OPCML: variants seen among roughly 807,000 people sequenced by gnomAD.
OPCML encodes opioid-binding protein/cell adhesion molecule.
OPCML carries 13 observed loss-of-function variants against 37.8 expected under a neutral mutation model. That is an observed-to-expected ratio of 0.34 (90% CI 0.22 to 0.55). The LOEUF is 0.55. OPCML is among the 20% of genes least tolerant of loss of function. The pLI, the probability that OPCML is intolerant of heterozygous loss-of-function variation, is 0.91. For missense variants in OPCML, 341 were observed against 435.6 expected (o/e 0.78, Z 1.93); for synonymous variants, 176 against 168.8 (o/e 1.04, Z -0.33).
intron 3 of OPCML, among the ~76,000 whole-genome samples, chr11:132,550,164 T>C (rs959297647): frequency 6.6e-6 from 1 of 152,132 alleles, no homozygotes; most frequent in African/African-American, 2.4e-5. Context: ...TACACACAAA[T>C]GGCTCCTAGG....
chr11:132,704,992 G>A (rs1943971839), intron 2 of OPCML, among the ~76,000 whole-genome samples: 3 of 152,228 alleles, frequency 2.0e-5, no homozygotes, highest in Non-Finnish European at 4.4e-5. Flanking sequence ...CTGGCTCAGT[G>A]CTGAGTTCCA....
intron 3 of OPCML, among the ~76,000 whole-genome samples, chr11:132,623,503 G>A (rs1939553687): frequency 6.6e-6 from 1 of 152,190 alleles, no homozygotes. Flanking sequence ...TCCCTGGAAA[G>A]TACTTCCATT....
chr11:133,197,537 T>G (rs1209951287), intron 1 of OPCML, among the ~76,000 whole-genome samples: 1 of 152,054 alleles, frequency 6.6e-6, no homozygotes, highest in Non-Finnish European at 1.5e-5. Context: ...GTGACTAAGG[T>G]CTGGAAATGC....
intron 2 of OPCML, among the ~76,000 whole-genome samples, chr11:132,674,387 G>T (rs1942612798): frequency 1.3e-5 from 2 of 152,156 alleles, no homozygotes; most frequent in African/African-American, 4.8e-5. Context: ...TGGCAGGAGA[G>T]GAAACCTGGC....
intron 1 of OPCML, among the ~76,000 whole-genome samples, chr11:133,271,956 C>T (rs772425320): frequency 1.3e-5 from 2 of 152,104 alleles, no homozygotes; most frequent in South Asian, 4.1e-4. Flanking sequence ...CAGATGCAAA[C>T]TAATTAAAAT....
intron 1 of OPCML, among the ~76,000 whole-genome samples, chr11:133,116,581 A>T (rs1348952843): frequency 1.3e-5 from 2 of 152,072 alleles, no homozygotes; most frequent in African/African-American, 4.8e-5. Context: ...TCACTATTAG[A>T]TGCAGGTTAT....
At chr11:133,269,604 A>C (rs1285628117) in intron 1 of OPCML, among the ~76,000 whole-genome samples, 2 of 152,192 alleles carry the variant, frequency 1.3e-5, no homozygotes, top group Non-Finnish European at 2.9e-5. Context: ...GAACACTGTG[A>C]ATTTCACTTA....
intron 1 of OPCML, among the ~76,000 whole-genome samples, chr11:133,098,149 G>T (rs1949031387): frequency 6.6e-6 from 1 of 151,140 alleles, no homozygotes; most frequent in East Asian, 1.9e-4. Context: ...GTCCAACAAT[G>T]TACAGAAAGA....
At chr11:133,359,882 A>G (rs1476808562) in intron 1 of OPCML, 1 of 152,238 alleles carries the variant, frequency 6.6e-6, no homozygotes, top group Non-Finnish European at 1.5e-5. Flanking sequence ...GGATTTATCC[A>G]TTAAAAGGCT....
intron 3 of OPCML, among the ~76,000 whole-genome samples, chr11:132,594,928 G>C (rs73041758): frequency 6.6e-6 from 1 of 152,128 alleles, no homozygotes; most frequent in African/African-American, 2.4e-5. Flanking sequence ...TCCCAACCCC[G>C]AGTTCAAGGC....
At chr11:133,219,562 C>T (rs1235620452) in intron 1 of OPCML, among the ~76,000 whole-genome samples, 3 of 152,178 alleles carry the variant, frequency 2.0e-5, no homozygotes, top group Non-Finnish European at 4.4e-5. Context: ...GAAACATAAT[C>T]CATCCCCTGG....
At chr11:133,252,812 A>G (rs1941179120) in intron 1 of OPCML, among the ~76,000 whole-genome samples, 1 of 152,156 alleles carries the variant, frequency 6.6e-6, no homozygotes, top group African/African-American at 2.4e-5. Context: ...AAGCACAACT[A>G]AAGAAACCCA....
chr11:132,529,920 G>A (rs1045684804), intron 3 of OPCML, among the ~76,000 whole-genome samples: 2 of 152,086 alleles, frequency 1.3e-5, no homozygotes, highest in African/African-American at 4.8e-5. Flanking sequence ...TTAGGAGCAG[G>A]GCTCTGGATT....
At chr11:133,210,044 CT>C (rs933273058) in intron 1 of OPCML, among the ~76,000 whole-genome samples, 129 of 152,172 alleles carry the variant, frequency 8.5e-4, no homozygotes, top group African/African-American at 3.1e-3. Flanking sequence ...ACGCACACAC[CT>C]CTCCGTACGT....
intron 1 of OPCML, among the ~76,000 whole-genome samples, chr11:133,501,182 A>G (rs1489087646): frequency 1.3e-5 from 2 of 152,142 alleles, no homozygotes; most frequent in African/African-American, 4.8e-5. Context: ...GGAGACACAC[A>G]AGCGCCAGAT....
intron 4 of OPCML, 60 bp from the exon 5 acceptor site, chr11:132,437,419 A>G (rs2096016994): frequency 2.5e-6 from 4 of 1,590,860 alleles, no homozygotes; most frequent in Non-Finnish European, 3.4e-6. Flanking sequence ...GGACAGAACC[A>G]TATTCACATC....
intron 4 of OPCML, among the ~76,000 whole-genome samples, chr11:132,456,543 G>T (rs767452437): frequency 1.8e-4 from 27 of 152,168 alleles, no homozygotes; most frequent in Non-Finnish European, 3.5e-4. Flanking sequence ...TAGCTGAAAA[G>T]ACTTCTTGCC....
intron 1 of OPCML, among the ~76,000 whole-genome samples, chr11:133,345,858 A>G (rs1358592189): frequency 1.3e-5 from 2 of 152,100 alleles, no homozygotes; most frequent in Non-Finnish European, 2.9e-5. Flanking sequence ...GATACACTTC[A>G]ATTCTCAATA....
chr11:133,101,937 A>G (rs1469014569), intron 1 of OPCML, among the ~76,000 whole-genome samples: 1 of 152,200 alleles, frequency 6.6e-6, no homozygotes, highest in South Asian at 2.1e-4. Flanking sequence ...ACTTAAATGC[A>G]TATTGCCAAG....
Sources: gnomAD v4.1 joint callset for allele counts (sites outside exome capture counted in the v4.1 genomes callset) on GRCh38, gnomAD v4.1.1 for gene constraint, MANE v1.5 for transcripts, NCBI Gene and HGNC (gene_info 2026-07-23, HGNC 2026-07-21) for gene names.